MIB1: variants seen among roughly 807,000 people sequenced by gnomAD.
MIB1 encodes the protein MIB E3 ubiquitin protein ligase 1.
MIB1 carries 278 observed loss-of-function variants against 124.5 expected under a neutral mutation model. The observed-to-expected ratio is 2.23, with a 90% CI of 2.02 to 2.47. MIB1 has a LOEUF of 2.47. Among genes scored for constraint, MIB1 ranks in the 30% most tolerant of loss-of-function variants. The pLI is 0.00. For synonymous variants in MIB1, 446 were observed against 429.4 expected, an observed-to-expected ratio of 1.04 and a Z score of -0.48; for missense variants, 957 against 1,254.4, an observed-to-expected ratio of 0.76 and a Z score of 3.58.
In MIB1 at chr18:21,815,629, A is replaced by G. The variant is rs2041822572; in HGVS notation, c.1493A>G (p.Asp498Gly). ...VDVEAEDKDG[D>G]RAVHHAAFGD... ...ACTAATGATTAGGATAAAGATGGTGATAGAGCAGTTCACCATGCAGCTTTT... is the reference window on the plus strand; with the variant it reads ...ACTAATGATTAGGATAAAGATGGTGGTAGAGCAGTTCACCATGCAGCTTTT... The change falls in exon 11 of 21, where the codon GAT (aspartate) becomes GGT (glycine). Residue 498 changes from aspartate (D) to glycine (G), a missense_variant. By Grantham distance (94) the Asp-to-Gly change is moderately conservative (BLOSUM62 -1). Coordinates refer to ENST00000261537, the MANE Select transcript of MIB1 (RefSeq NM_020774.4). The G allele has an allele frequency of 6.2e-7, 1 of 1,614,080 alleles. No individual in the cohort carries two copies. Among genetic ancestry groups the G allele is most frequent in the Non-Finnish European group, 8.5e-7 (1 of 1,179,912 alleles).
chr18:21,771,932 G>A (rs1048842693), intron 3 of MIB1, among the ~76,000 whole-genome samples: 2 of 151,932 alleles, frequency 1.3e-5, no homozygotes, highest in Non-Finnish European at 2.9e-5. Flanking sequence ...CCGGGGAGGC[G>A]GAGGTTGCAG....
chr18:21,844,983 T>C (rs1029934287), intron 15 of MIB1, among the ~76,000 whole-genome samples: 1 of 152,168 alleles, frequency 6.6e-6, no homozygotes, highest in African/African-American at 2.4e-5. Context: ...GCACATATTT[T>C]CTCCCAGTTG....
At chr18:21,803,710 GT>G (rs2041674553) in intron 9 of MIB1, 196 bp from the exon 10 acceptor site, 1 of 425,818 alleles carries the variant, frequency 2.3e-6, no homozygotes, top group Admixed American at 3.8e-5. Context: ...TGAAACTTTT[GT>G]TTTTTAAAAC....
rs368885727 is a variant in MIB1 at position 21,823,798 on chromosome 18, G to A, written c.1829+4152G>A. ...ATCTTAACTAAGAACAATGCTGTTT[G>A]TCTGTTCTGATAGTTAATATTTATA... On this transcript the variant is annotated intron_variant, in intron 12 of 20. Transcript: ENST00000261537. Among the ~76,000 whole-genome samples, 369 of 152,186 alleles carry A rather than the reference G, an allele frequency of 2.4e-3. 2 individuals carry two copies. The highest frequency in any genetic ancestry group is 8.6e-3 in the African/African-American group (358 of 41,528).
In MIB1 at chr18:21,865,791, A is replaced by G. The variant is rs45576836; in HGVS notation, c.*1125A>G. The G allele has an allele frequency of 0.031, 4,678 of 152,610 alleles. 115 individuals are homozygous for G. The highest frequency in any genetic ancestry group is 0.044 in the Middle Eastern group (13 of 294). The allele number at this position is 152,610 out of a possible 1,614,324, so 9.5% of individuals were successfully genotyped here. ...GTCTTTCTGTGTATACCTACGGATGAGGGTATTATTTAAACTGCCAACAAT... is the reference window on the plus strand; with the variant it reads ...GTCTTTCTGTGTATACCTACGGATGGGGGTATTATTTAAACTGCCAACAAT... On this transcript the variant is annotated 3_prime_UTR_variant, in exon 21 of 21. Coordinates refer to ENST00000261537, the MANE Select transcript of MIB1 (RefSeq NM_020774.4).
intron 10 of MIB1, 23 bp from the exon 11 acceptor site, chr18:21,815,593 C>A: frequency 6.3e-7 from 1 of 1,585,268 alleles, no homozygotes. Flanking sequence ...TTCACTAATT[C>A]ACATTTCAAT....
intron 1 of MIB1, among the ~76,000 whole-genome samples, chr18:21,718,201 G>A (rs2040698183): frequency 6.6e-6 from 1 of 152,040 alleles, no homozygotes; most frequent in Non-Finnish European, 1.5e-5. Context: ...GGATGCAAAG[G>A]CATAATAATG....
chr18:21,857,084 A>G lies in MIB1; in HGVS notation c.2666-46A>G, dbSNP rs752772475. 8.6e-6 allele frequency: 11 copies of G among 1,281,982 alleles called. No individual in the cohort carries two copies. In the Admixed American group the frequency reaches 1.0e-4, roughly 12 times the overall value. 79.4% of individuals were successfully genotyped at this position (1,281,982 alleles called of 1,614,324 possible). A position where few individuals can be genotyped will look rare whatever the true frequency, so the allele number is the denominator to read the frequency against. On this transcript the variant is annotated intron_variant, in intron 18 of 20. Coordinates refer to ENST00000261537, the MANE Select transcript of MIB1 (RefSeq NM_020774.4). Reference sequence around the variant, plus strand: ...ATTAGCAGAGAAAGGCAACACTCCTATTAATGTTCTCTCTTGTAAGAAGTG... The same window carrying G: ...ATTAGCAGAGAAAGGCAACACTCCTGTTAATGTTCTCTCTTGTAAGAAGTG...
chr18:21,711,211 T>A (rs2040664156), intron 1 of MIB1, among the ~76,000 whole-genome samples: 1 of 152,228 alleles, frequency 6.6e-6, no homozygotes, highest in South Asian at 2.1e-4. Context: ...TACTACCATT[T>A]CTACAGAACT....
intron 20 of MIB1, among the ~76,000 whole-genome samples, chr18:21,863,087 G>A (rs1443574028): frequency 2.6e-5 from 4 of 152,158 alleles, no homozygotes; most frequent in Non-Finnish European, 4.4e-5. Flanking sequence ...ACAGAGGTGC[G>A]CTGCTTACTT....
At chr18:21,786,182 C>T (rs1256454940) in intron 6 of MIB1, among the ~76,000 whole-genome samples, 2 of 151,972 alleles carry the variant, frequency 1.3e-5, no homozygotes, top group African/African-American at 2.4e-5. Flanking sequence ...CTGCAAGCTC[C>T]GCCTCCTGGG....
In MIB1 at chr18:21,844,235, G is replaced by A. The variant is rs766518858; in HGVS notation, c.2193G>A (p.Trp731Ter). The change falls in exon 15 of 21, where the codon TGG (tryptophan) becomes TGA (stop). Residue 731 changes from tryptophan (W) to a stop codon, truncating the protein, a stop_gained. Coordinates refer to ENST00000261537, the MANE Select transcript of MIB1 (RefSeq NM_020774.4). LOFTEE classifies it high-confidence loss of function. ...ATGTGGGGAAGGTGGATGCTGCCTG[G>A]GAGCCATCCAAAAACACGGTGAGTA... ...MQDVGKVDAAWEPSKNTLIMG... is the reference protein window; with the variant it reads ...MQDVGKVDAA The A allele has an allele frequency of 6.2e-7, 1 of 1,614,056 alleles. No homozygotes were observed. Among genetic ancestry groups the A allele is most frequent in the Non-Finnish European group, 8.5e-7 (1 of 1,179,988 alleles).
At chr18:21,705,639 G>C (rs2040618457) in intron 1 of MIB1, among the ~76,000 whole-genome samples, 1 of 152,154 alleles carries the variant, frequency 6.6e-6, no homozygotes, top group South Asian at 2.1e-4. Context: ...CGAAAGAAGG[G>C]AAAGTGCTGT....
chr18:21,828,931 T>C, intron 12 of MIB1: 3 of 450,572 alleles, frequency 6.7e-6, no homozygotes, highest in South Asian at 4.8e-5. Context: ...TAATTTACCA[T>C]ATGACGGTCA....
At chr18:21,804,083 A>T (rs563686737) in intron 10 of MIB1, 69 bp downstream of exon 10, 2 of 1,148,924 alleles carry the variant, frequency 1.7e-6, no homozygotes, top group African/African-American at 3.1e-5. Flanking sequence ...ATATCATGAG[A>T]TGGATTGTTT....
At chr18:21,820,372 T>A (rs541713219) in intron 12 of MIB1, among the ~76,000 whole-genome samples, 3 of 152,326 alleles carry the variant, frequency 2.0e-5, no homozygotes, top group African/African-American at 7.2e-5. Context: ...ACTTTGATTT[T>A]TATTTTGATA....
intron 1 of MIB1, among the ~76,000 whole-genome samples, chr18:21,730,643 A>T (rs2040764988): frequency 6.6e-6 from 1 of 152,218 alleles, no homozygotes; most frequent in Admixed American, 6.5e-5. Flanking sequence ...TGGTTGCCCA[A>T]GCCAGAAAGC....
In MIB1 at chr18:21,799,975, G is replaced by T. The variant is rs565728625; in HGVS notation, c.1371+1G>T. ...TTTGCTTAAAAGACCAGATGTGGAT[G>T]TGAGCATTTTAAAAATTATTTTGAA... is the stretch of plus-strand genomic sequence containing the variant. On this transcript the variant is annotated splice_donor_variant, in intron 9 of 20. Coordinates refer to ENST00000261537, the MANE Select transcript of MIB1 (RefSeq NM_020774.4). LOFTEE classifies it high-confidence loss of function. The T allele has an allele frequency of 6.2e-7, 1 of 1,608,384 alleles. No individual in the cohort carries two copies. The highest frequency in any genetic ancestry group is 8.5e-7 in the Non-Finnish European group (1 of 1,176,632).
chr18:21,748,440 T>C (rs1428623392), intron 1 of MIB1, among the ~76,000 whole-genome samples: 1 of 132,098 alleles, frequency 7.6e-6, no homozygotes, highest in Admixed American at 8.2e-5. Context: ...TCCCTTTCTC[T>C]TCTTTCTTTC....
Sources: gnomAD v4.1 joint callset for allele counts (sites outside exome capture counted in the v4.1 genomes callset) on GRCh38, gnomAD v4.1.1 for gene constraint, MANE v1.5 for transcripts, NCBI Gene and HGNC (gene_info 2026-07-23, HGNC 2026-07-21) for gene names.